Variants in MAX observed in about 807,000 individuals in gnomAD.
The protein encoded by MAX is protein max.
A neutral mutation model predicts 22.3 loss-of-function variants in MAX; 3 were observed. That is an observed-to-expected ratio of 0.13 (90% confidence interval 0.06 to 0.35). MAX has a LOEUF of 0.35. Ranked by LOEUF, MAX falls within the 10% of genes least tolerant of loss-of-function variation. The probability of loss-of-function intolerance (pLI) is 1.00; values close to 1 mark genes in which losing one functional copy is unlikely to be tolerated. For synonymous variants in MAX, 72 were observed against 77.7 expected (o/e 0.93, Z 0.39); for missense variants, 119 against 209.4 (o/e 0.57, Z 2.66).
intron 3 of MAX, among the ~76,000 whole-genome samples, chr14:65,019,098 G>A (rs2139540082): frequency 6.6e-6 from 1 of 152,272 alleles, no homozygotes; most frequent in East Asian, 1.9e-4. Flanking sequence ...GCTTGAACCC[G>A]GGAGGCGGAG....
At chr14:65,049,833 C>T (rs2062566745) in intron 3 of MAX, among the ~76,000 whole-genome samples, 1 of 152,018 alleles carries the variant, frequency 6.6e-6, no homozygotes, top group African/African-American at 2.4e-5. Flanking sequence ...CACAACTTAC[C>T]TATTCAGTTG....
In MAX at chr14:65,014,329, T is replaced by C. The variant is rs1436796766; in HGVS notation, c.172-8045A>G. ...GCATTTTGCCTTTGGAAGCCTTTCC[T>C]AGCTCCCCAGGCAGAATTAGTCAGT... On this transcript the variant is annotated intron_variant, in intron 3 of 3. Transcript: ENST00000341653. The surrounding 1 kb of genome is among the most constrained non-coding windows in gnomAD (Gnocchi z 5.1). Among the ~76,000 whole-genome samples, 1 of 152,212 alleles carries C rather than the reference T, an allele frequency of 6.6e-6. No individual in the cohort carries two copies. Among genetic ancestry groups the C allele is most frequent in the African/African-American group, 2.4e-5 (1 of 41,464 alleles).
rs544758940 is a variant in MAX, at chr14:65,037,631, C to T, written c.172-31347G>A. Among the ~76,000 whole-genome samples the T allele has an allele frequency of 2.1e-3, 316 of 149,360 alleles. 1 individual carries two copies. The highest frequency in any genetic ancestry group is 3.6e-3 in the Non-Finnish European group (242 of 67,372). ...GTAGAGACAAAGCCTCACCACATTG[C>T]CCAGGTTGGTCTCAAACTCCTGGGC... On this transcript the variant is annotated intron_variant, in intron 3 of 3. Coordinates refer to the MAX transcript ENST00000341653.
At chr14:65,056,838 G>A (rs774877239) in intron 3 of MAX, among the ~76,000 whole-genome samples, 2 of 152,194 alleles carry the variant, frequency 1.3e-5, no homozygotes, top group Non-Finnish European at 2.9e-5. Context: ...CTGAGACTAG[G>A]TAATGTATAA....
Position 65,025,354 on chromosome 14 carries a change from G to A in MAX, c.172-19070C>T, listed in dbSNP as rs554827298. ...AAATGTGCTGTTAAGTTTTGTATCA[G>A]CTAAAACTTTTTGTGGTACAGAAAC... On this transcript the variant is annotated intron_variant, in intron 3 of 3. Transcript: ENST00000341653. 3.3e-5 allele frequency among the ~76,000 whole-genome samples: 5 copies of A among 152,300 alleles called. No individual in the cohort carries two copies. The East Asian group carries it at 9.6e-4, about 29-fold the overall frequency.
rs760882380 is a variant in MAX at position 65,093,668 on chromosome 14, C to T, written c.171+40G>A. ...GCTAAGCTCTGCAACAAGTTCCAAG[C>T]TAGTAGTGGCCAGCTACTCAGCTTT... On this transcript the variant is annotated intron_variant, in intron 3 of 4. Transcript: ENST00000358664. The surrounding 1 kb of genome is among the most constrained non-coding windows in gnomAD (Gnocchi z 4.4). 2 of 1,062,236 alleles carry T rather than the reference C, an allele frequency of 1.9e-6. No individual in the cohort carries two copies. Among genetic ancestry groups the T allele is most frequent in the Non-Finnish European group, 3.0e-6 (2 of 675,766 alleles). 65.8% of individuals were successfully genotyped at this position (1,062,236 alleles called of 1,614,324 possible). A position where few individuals can be genotyped will look rare whatever the true frequency, so the allele number is the denominator to read the frequency against.
rs1482132709 is a variant in MAX at position 65,045,434 on chromosome 14, G to A, written c.172-39150C>T. On this transcript the variant is annotated intron_variant, in intron 3 of 3. Transcript: ENST00000341653. ...GTCTTCCCCCCTCCCCGCCGCCCCC[G>A]AGATGGAGTCGTGCTCTGTCTCCCA... 1.4e-3 allele frequency among the ~76,000 whole-genome samples: 14 copies of A among 10,052 alleles called. 1 individual carries two copies. The South Asian group carries it at 0.033, about 24-fold the overall frequency. The allele number at this position is 10,052 out of a possible 152,430, so 6.6% of individuals were successfully genotyped here.
chr14:65,011,674 C>T lies in MAX; in HGVS notation c.172-5390G>A, dbSNP rs2061685586. On this transcript the variant is annotated intron_variant, in intron 3 of 3. Coordinates refer to the MAX transcript ENST00000341653. The surrounding 1 kb of genome is among the most constrained non-coding windows in gnomAD (Gnocchi z 4.0). ...GTGCAGCCTCTGTGCTTTGCCCGGCCTGTGCAGGTGGCCATGGGCGGCACA... is the reference window on the plus strand; with the variant it reads ...GTGCAGCCTCTGTGCTTTGCCCGGCTTGTGCAGGTGGCCATGGGCGGCACA... Among the ~76,000 whole-genome samples the T allele has an allele frequency of 6.6e-6, 1 of 152,232 alleles. No homozygotes were observed. The highest frequency in any genetic ancestry group is 2.4e-5 in the African/African-American group (1 of 41,468).
chr14:65,100,083 A>C (rs1405388495), intron 2 of MAX, among the ~76,000 whole-genome samples: 1 of 148,972 alleles, frequency 6.7e-6, no homozygotes, highest in Non-Finnish European at 1.5e-5. Context: ...ACAAGCCCCC[A>C]AACAGTTGTT....
intron 3 of MAX, among the ~76,000 whole-genome samples, chr14:65,087,033 G>A (rs568362436): frequency 5.9e-5 from 9 of 152,202 alleles, no homozygotes; most frequent in East Asian, 5.8e-4. Flanking sequence ...CTCAGGTTGC[G>A]GCTTCAGAGG....
intron 3 of MAX, among the ~76,000 whole-genome samples, chr14:65,058,273 TAG>T (rs2062786673): frequency 1.3e-5 from 2 of 152,094 alleles, no homozygotes; most frequent in South Asian, 2.1e-4. Flanking sequence ...TTTTTTCGGT[TAG>T]AGTTATGTCT....
rs1027436844 is a variant in MAX at position 65,012,932 on chromosome 14, T to C, written c.172-6648A>G. On this transcript the variant is annotated intron_variant, in intron 3 of 3. Coordinates refer to the MAX transcript ENST00000341653. The surrounding 1 kb of genome is among the most constrained non-coding windows in gnomAD (Gnocchi z 5.0). The stretch of plus-strand genomic sequence containing the variant: ...AGAGGACCAGTATAGAGAGTGGTCC[T>C]TGCAATTTAACATTACTGTTTAAGA... 1.1e-4 allele frequency among the ~76,000 whole-genome samples: 16 copies of C among 152,220 alleles called. No homozygotes were observed. Among genetic ancestry groups the C allele is most frequent in the Admixed American group, 9.2e-4 (14 of 15,284 alleles).
intron 3 of MAX, among the ~76,000 whole-genome samples, chr14:65,010,368 G>T (rs2061664256): frequency 6.6e-6 from 1 of 152,202 alleles, no homozygotes; most frequent in Non-Finnish European, 1.5e-5. Flanking sequence ...TAGTCTGTGT[G>T]TGTAACCTGA....
At chr14:65,048,448 C>T (rs1485546220) in intron 3 of MAX, among the ~76,000 whole-genome samples, 2 of 152,148 alleles carry the variant, frequency 1.3e-5, no homozygotes, top group African/African-American at 2.4e-5. Flanking sequence ...TAGTGCAGCA[C>T]GTGGGTCTAG....
chr14:65,083,905 C>T (rs1187286247), intron 3 of MAX: 24 of 1,270,596 alleles, frequency 1.9e-5, no homozygotes, highest in Non-Finnish European at 2.2e-5. Context: ...CTTTTGAAAA[C>T]CAAAACGAAA....
intron 2 of MAX, among the ~76,000 whole-genome samples, chr14:65,094,642 C>CA (rs2063609137): frequency 6.6e-6 from 1 of 152,218 alleles, no homozygotes; most frequent in African/African-American, 2.4e-5. Context: ...CTTGGAATCA[C>CA]AAAGAACGGT....
chr14:65,007,925 A>C lies in MAX; in HGVS notation c.172-1641T>G, dbSNP rs2061620783. Among the ~76,000 whole-genome samples the C allele has an allele frequency of 6.6e-6, 1 of 152,200 alleles. No individual in the cohort carries two copies. The highest frequency in any genetic ancestry group is 2.4e-5 in the African/African-American group (1 of 41,446). On this transcript the variant is annotated intron_variant, in intron 3 of 3. Coordinates refer to the MAX transcript ENST00000341653. The surrounding 1 kb of genome is among the most constrained non-coding windows in gnomAD (Gnocchi z 4.9). The stretch of plus-strand genomic sequence containing the variant: ...TGTGCTAATAGAGCCCTGGAGGTTA[A>C]GTGCTGACAATGGCTCTGAAGCCAG...
At chr14:65,101,612 G>C (rs2139965663) in intron 1 of MAX, 40 bp from the exon 2 acceptor site, 1 of 1,452,556 alleles carries the variant, frequency 6.9e-7, no homozygotes, top group Non-Finnish European at 9.5e-7. Context: ...AAATATAGAA[G>C]TTATTTTTAC....
chr14:65,056,431 ATTG>A (rs1340991699), intron 3 of MAX, among the ~76,000 whole-genome samples: 3 of 152,174 alleles, frequency 2.0e-5, no homozygotes, highest in Admixed American at 6.5e-5. Flanking sequence ...GGGGACACAT[ATTG>A]TCATCTTTGA....
Sources: allele counts gnomAD v4.1 joint callset (sites outside exome capture counted in the v4.1 genomes callset), GRCh38; gene constraint gnomAD v4.1.1; non-coding constraint Gnocchi (gnomAD v3.1); transcripts MANE v1.5; gene names NCBI Gene and HGNC (gene_info 2026-07-23, HGNC 2026-07-21).